KIAA0319L: variants seen among roughly 807,000 people sequenced by gnomAD.
The protein encoded by KIAA0319L is dyslexia-associated protein KIAA0319-like protein.
A neutral mutation model predicts 120.1 loss-of-function variants in KIAA0319L; 55 were observed. The observed-to-expected ratio is 0.46, with a 90% CI of 0.37 to 0.57. The LOEUF is 0.57. Ranked by LOEUF, KIAA0319L falls within the 20% of genes least tolerant of loss-of-function variation. The probability of loss-of-function intolerance (pLI) is 0.00; values close to 1 mark genes in which losing one functional copy is unlikely to be tolerated. For missense variants in KIAA0319L, 1,049 were observed against 1,255.3 expected (o/e 0.84, Z 2.48); for synonymous variants, 398 against 471.9 (o/e 0.84, Z 2.03).
Position 35,534,880 on chromosome 1 carries a change from A to AAAAG in KIAA0319L, c.142+19466_142+19469dup, listed in dbSNP as rs1158843988. ...TCTCAAAAAAAAAAAAAAAAAAAAA[A>AAAAG]AAAGAAAGAAAAACAATCACAAGGT... On this transcript the variant is annotated intron_variant, in intron 2 of 20. Coordinates refer to ENST00000325722, the MANE Select transcript of KIAA0319L (RefSeq NM_024874.5). 4.6e-3 allele frequency among the ~76,000 whole-genome samples: 626 copies of AAAAG among 136,876 alleles called. 10 individuals carry two copies. Among genetic ancestry groups the AAAAG allele is most frequent in the East Asian group, 0.027 (107 of 3,918 alleles). 89.8% of individuals were successfully genotyped at this position (136,876 alleles called of 152,430 possible).
At position 35,554,376 on chromosome 1, in the gene KIAA0319L, C is replaced by A. The variant is rs1014901352; in HGVS notation, c.116G>T (p.Cys39Phe). 19 of 1,604,816 alleles carry A rather than the reference C, an allele frequency of 1.2e-5. No homozygotes were observed. The highest frequency in any genetic ancestry group is 3.5e-5 in the Admixed American group (2 of 57,860). Residue 39 changes from cysteine (C) to phenylalanine (F), a missense_variant, in exon 2 of 21, where the codon TGC (cysteine) becomes TTC (phenylalanine). By Grantham distance (205) the Cys-to-Phe change is radical. Coordinates refer to ENST00000325722, the MANE Select transcript of KIAA0319L (RefSeq NM_024874.5). ...RSLYLFYTCF[C>F]FSVLWLSTDA... is the part of the protein sequence containing the mutation. The stretch of plus-strand genomic sequence containing the variant: ...TGTTGACAACCACAGAACGCTGAAG[C>A]AAAAGCAAGTATAAAACAGGTACAG...
At chr1:35,440,594 G>A (rs1641131853) in intron 20 of KIAA0319L, 3 of 164,902 alleles carry the variant, frequency 1.8e-5, no homozygotes, top group Admixed American at 5.9e-5. Context: ...CAGAAGCTGA[G>A]GACTTGCCAA....
rs779262729 is a variant in KIAA0319L at position 35,454,394 on chromosome 1, G to A, written c.1748C>T (p.Ala583Val). 1 of 1,613,984 alleles carries A rather than the reference G, an allele frequency of 6.2e-7. No individual in the cohort carries two copies. Among genetic ancestry groups the A allele is most frequent in the Non-Finnish European group, 8.5e-7 (1 of 1,179,868 alleles). Residue 583 changes from alanine to valine, a missense_variant, in exon 11 of 21, where the codon GCC (alanine) becomes GTC (valine). Coordinates refer to ENST00000325722, the MANE Select transcript of KIAA0319L (RefSeq NM_024874.5). ...CACAATAACAGTCACTTGAGCAGTG[G>A]CCTGCTGTCCTATTGTGTCAGTCAC... ...LTVTDTIGQQATAQVTVIVQP... is the reference protein window; with the variant it reads ...LTVTDTIGQQVTAQVTVIVQP...
chr1:35,547,818 T>C (rs917952002), intron 2 of KIAA0319L, among the ~76,000 whole-genome samples: 5 of 152,088 alleles, frequency 3.3e-5, no homozygotes, highest in African/African-American at 1.2e-4. Context: ...TAGTGGTATA[T>C]CTCAATTTTA....
intron 2 of KIAA0319L, chr1:35,510,713 C>G (rs1337218361): frequency 6.6e-6 from 1 of 151,992 alleles, no homozygotes; most frequent in Non-Finnish European, 1.5e-5. Context: ...CCCAAGCAAT[C>G]CTCCTGACTC....
chr1:35,520,352 C>T (rs1212281019), intron 2 of KIAA0319L, among the ~76,000 whole-genome samples: 2 of 152,098 alleles, frequency 1.3e-5, no homozygotes, highest in Non-Finnish European at 2.9e-5. Context: ...CCCACCTCAG[C>T]CTCCCAAAGT....
At position 35,505,404 on chromosome 1, in the gene KIAA0319L, C is replaced by T. The variant is rs151307265; in HGVS notation, c.666+1208G>A. Among the ~76,000 whole-genome samples the T allele has an allele frequency of 1.6e-3, 251 of 152,288 alleles. 3 individuals carry two copies. The highest frequency in any genetic ancestry group is 5.3e-3 in the African/African-American group (221 of 41,566). On this transcript the variant is annotated intron_variant, in intron 3 of 20. Transcript: ENST00000325722. ...ACATCCTTCAAGAAATGTTAAACATCTCGGAGAAGTCTTACCTGCACATAC... is the reference window on the plus strand; with the variant it reads ...ACATCCTTCAAGAAATGTTAAACATTTCGGAGAAGTCTTACCTGCACATAC...
intron 2 of KIAA0319L, among the ~76,000 whole-genome samples, chr1:35,527,054 T>C (rs1646175935): frequency 1.3e-5 from 2 of 152,192 alleles, no homozygotes; most frequent in South Asian, 2.1e-4. Context: ...ATTTTTATCA[T>C]GAAGGGATAC....
chr1:35,470,152 C>G (rs1006281573), intron 6 of KIAA0319L, among the ~76,000 whole-genome samples: 2 of 151,952 alleles, frequency 1.3e-5, no homozygotes, highest in African/African-American at 4.8e-5. Flanking sequence ...GGATTACAGG[C>G]GGGAGCCACT....
chr1:35,452,898 C>T (rs530434620), intron 12 of KIAA0319L, among the ~76,000 whole-genome samples: 40 of 152,220 alleles, frequency 2.6e-4, no homozygotes, highest in African/African-American at 9.4e-4. Flanking sequence ...ATGGTTGCTA[C>T]CTTTGGAAAC....
At position 35,466,619 on chromosome 1, in the gene KIAA0319L, G is replaced by C; in HGVS notation, c.1190C>G (p.Thr397Arg). 1 of 1,612,342 alleles carries C rather than the reference G, an allele frequency of 6.2e-7. No homozygotes were observed. The highest frequency in any genetic ancestry group is 2.2e-5 in the East Asian group (1 of 44,880). ...NAHGEGYVNV[T>R]VKPEPRKNRP... The stretch of plus-strand genomic sequence containing the variant: ...GGCTGAAAACATACCTGGCTTGACT[G>C]TCACGTTCACATAGCCTTCCCCATG... Residue 397 changes from threonine to arginine, a missense_variant, in exon 7 of 21, where the codon ACA becomes AGA. Physicochemically the swap from Thr to Arg is moderately conservative, Grantham distance 71. Coordinates refer to ENST00000325722, the MANE Select transcript of KIAA0319L (RefSeq NM_024874.5).
At chr1:35,532,240 CAAA>C (rs542083819) in intron 2 of KIAA0319L, among the ~76,000 whole-genome samples, 4 of 98,472 alleles carry the variant, frequency 4.1e-5, no homozygotes, top group Non-Finnish European at 4.3e-5. Flanking sequence ...GACTCCGTCT[CAAA>C]AAAAAAAAAA....
At chr1:35,537,212 T>C (rs890293748) in intron 2 of KIAA0319L, among the ~76,000 whole-genome samples, 4 of 152,214 alleles carry the variant, frequency 2.6e-5, no homozygotes, top group Non-Finnish European at 4.4e-5. Flanking sequence ...AGCCCACTTG[T>C]AGATGGTATT....
intron 5 of KIAA0319L, among the ~76,000 whole-genome samples, chr1:35,471,358 G>T (rs886285400): frequency 6.6e-6 from 1 of 152,162 alleles, no homozygotes; most frequent in African/African-American, 2.4e-5. Flanking sequence ...GAACAGCAAT[G>T]ACTTCTAAAT....
rs1183343960 is a variant in KIAA0319L at position 35,433,996 on chromosome 1, C to A, written c.*898G>T. On this transcript the variant is annotated 3_prime_UTR_variant, in exon 21 of 21. Transcript: ENST00000325722. ...GGCAGCGAGAGAGGCCACCCGCCAT[C>A]CCTGACACAGTCAATCCTCCCTAAT... 1 of 152,168 alleles carries A rather than the reference C, an allele frequency of 6.6e-6. No homozygotes were observed. The highest frequency in any genetic ancestry group is 1.5e-5 in the Non-Finnish European group (1 of 68,110). The allele number at this position is 152,168 out of a possible 1,614,324, so 9.4% of individuals were successfully genotyped here. A position where few individuals can be genotyped will look rare whatever the true frequency, so the allele number is the denominator to read the frequency against.
intron 2 of KIAA0319L, among the ~76,000 whole-genome samples, chr1:35,521,726 A>C (rs1304395835): frequency 6.6e-6 from 1 of 151,884 alleles, no homozygotes; most frequent in African/African-American, 2.4e-5. Context: ...TAATCCCAGC[A>C]CTTTGGGAGG....
chr1:35,461,973 A>C (rs1333810227), intron 8 of KIAA0319L, among the ~76,000 whole-genome samples: 1 of 152,128 alleles, frequency 6.6e-6, no homozygotes, highest in Non-Finnish European at 1.5e-5. Context: ...CCGGTCTCAA[A>C]AAATCAAAAC....
chr1:35,441,387 A>G (rs1383012609), intron 19 of KIAA0319L, among the ~76,000 whole-genome samples: 1 of 152,180 alleles, frequency 6.6e-6, no homozygotes, highest in African/African-American at 2.4e-5. Flanking sequence ...GGGGCAATGA[A>G]GGACAGATTG....
intron 2 of KIAA0319L, chr1:35,511,131 A>G (rs1465132114): frequency 6.5e-6 from 1 of 152,784 alleles, no homozygotes; most frequent in Non-Finnish European, 1.5e-5. Flanking sequence ...AGGTATAGAA[A>G]GATTTGCTGG....
Sources: allele counts gnomAD v4.1 joint callset (sites outside exome capture counted in the v4.1 genomes callset), GRCh38; gene constraint gnomAD v4.1.1; transcripts MANE v1.5; gene names NCBI Gene and HGNC (gene_info 2026-07-23, HGNC 2026-07-21).